The following MYOCD variants were observed in gnomAD, a reference collection of about 807,000 sequenced individuals.
The protein encoded by MYOCD is myocardin.
In MYOCD, 32 loss-of-function variants were observed where a neutral mutation model predicts 96.1. That is an observed-to-expected ratio of 0.33 (90% CI 0.25 to 0.45). The LOEUF is 0.45. Ranked by LOEUF, MYOCD falls within the 20% of genes least tolerant of loss-of-function variation. The pLI is 1.00. For missense variants in MYOCD, 1,133 were observed against 1,200.6 expected, an observed-to-expected ratio of 0.94 and a Z score of 0.83; for synonymous variants, 469 against 469.0, an observed-to-expected ratio of 1.00 and a Z score of 0.00.
intron 10 of MYOCD, among the ~76,000 whole-genome samples, chr17:12,754,940 A>G (rs2150722517): frequency 6.6e-6 from 1 of 152,356 alleles, no homozygotes; most frequent in Non-Finnish European, 1.5e-5. Flanking sequence ...GTTACCCAGG[A>G]TCACATGAAC....
intron 1 of MYOCD, 52 bp downstream of exon 1, chr17:12,666,295 C>T (rs538050012): frequency 7.5e-5 from 99 of 1,311,394 alleles, no homozygotes; most frequent in Admixed American, 1.7e-4. Flanking sequence ...TTCTGCAATT[C>T]TCAACTCTAG....
At chr17:12,676,523 A>G (rs1018345690) in intron 1 of MYOCD, among the ~76,000 whole-genome samples, 2 of 151,928 alleles carry the variant, frequency 1.3e-5, no homozygotes, top group Admixed American at 6.5e-5. Flanking sequence ...ATTATCCAGT[A>G]TCTCCTATAC....
chr17:12,741,581 T>G (rs2032510309), intron 7 of MYOCD, among the ~76,000 whole-genome samples: 3 of 151,916 alleles, frequency 2.0e-5, no homozygotes, highest in African/African-American at 7.3e-5. Flanking sequence ...TGGTGGCGTG[T>G]GCCTGTAATC....
intron 1 of MYOCD, among the ~76,000 whole-genome samples, chr17:12,684,786 C>T (rs926236076): frequency 1.4e-5 from 2 of 143,336 alleles, no homozygotes; most frequent in Admixed American, 7.2e-5. Flanking sequence ...GTGGGGGTTG[C>T]GGTGAGCTGA....
chr17:12,739,360 G>C (rs1317377850), intron 7 of MYOCD, 32 bp downstream of exon 7: 7 of 1,506,138 alleles, frequency 4.6e-6, no homozygotes, highest in Non-Finnish European at 4.4e-6. Flanking sequence ...AGCCCTGCCT[G>C]AGCGCTCGGC....
At chr17:12,733,615 C>T (rs994733781) in intron 5 of MYOCD, among the ~76,000 whole-genome samples, 1 of 152,120 alleles carries the variant, frequency 6.6e-6, no homozygotes, top group Admixed American at 6.5e-5. Flanking sequence ...CGCCTGTAAT[C>T]CCAGCACTTT....
At chr17:12,760,493 GA>G (rs1243453352) in intron 12 of MYOCD, 156 bp from the exon 13 acceptor site, 6 of 632,600 alleles carry the variant, frequency 9.5e-6, no homozygotes, top group Non-Finnish European at 1.7e-5. Flanking sequence ...AAAAATGGTT[GA>G]TAGTAAATTT....
At chr17:12,714,160 G>A (rs1026749796) in intron 2 of MYOCD, among the ~76,000 whole-genome samples, 2 of 151,890 alleles carry the variant, frequency 1.3e-5, no homozygotes, top group African/African-American at 2.4e-5. Flanking sequence ...TATAGAGAGC[G>A]TGACCTGTTA....
intron 1 of MYOCD, among the ~76,000 whole-genome samples, chr17:12,691,602 C>T (rs1035749520): frequency 5.9e-5 from 9 of 152,128 alleles, no homozygotes; most frequent in Non-Finnish European, 8.8e-5. Context: ...TAGCATGAAA[C>T]GTGCCTCATG....
At chr17:12,697,354 TA>T (rs1251617805) in intron 1 of MYOCD, among the ~76,000 whole-genome samples, 12 of 85,054 alleles carry the variant, frequency 1.4e-4, no homozygotes, top group African/African-American at 7.0e-4. Flanking sequence ...TATATATATA[TA>T]TATATTTTTT....
At chr17:12,745,366 C>T (rs560243318) in intron 8 of MYOCD, among the ~76,000 whole-genome samples, 7 of 152,108 alleles carry the variant, frequency 4.6e-5, no homozygotes, top group South Asian at 2.1e-4. Flanking sequence ...TGCGCCACCA[C>T]GCCCGGCTAA....
chr17:12,711,924 CTTTTT>C (rs11388469), intron 2 of MYOCD, among the ~76,000 whole-genome samples: 1 of 134,828 alleles, frequency 7.4e-6, no homozygotes. Context: ...TTTCTTTTTT[CTTTTT>C]TTTTTTTTTT....
rs776680788 is a variant in MYOCD at position 12,744,273 on chromosome 17, C to G, written c.808C>G (p.Pro270Ala). The G allele has an allele frequency of 2.4e-5, 38 of 1,614,066 alleles. No individual in the cohort carries two copies. The highest frequency in any genetic ancestry group is 3.1e-5 in the Non-Finnish European group (36 of 1,180,046). ...GAAGCTTAAATATCACCAGTACATT[C>G]CCCCAGACCAGAAGGCAGAGAAGTC... ...VKKLKYHQYI[P>A]PDQKAEKSPP... The change falls in exon 8 of 14, where the codon CCC becomes GCC. Residue 270 changes from proline to alanine, a missense_variant. Pro to Ala is a conservative substitution (Grantham distance 27, BLOSUM62 -1). Coordinates refer to ENST00000425538, the MANE Select transcript of MYOCD (RefSeq NM_001146312.3).
At chr17:12,666,756 GA>G (rs969557871) in intron 1 of MYOCD, among the ~76,000 whole-genome samples, 2 of 150,676 alleles carry the variant, frequency 1.3e-5, no homozygotes, top group African/African-American at 4.9e-5. Context: ...CATCACTGTA[GA>G]AAAAAAAAGA....
At chr17:12,713,166 A>G (rs928669051) in intron 2 of MYOCD, among the ~76,000 whole-genome samples, 1 of 152,162 alleles carries the variant, frequency 6.6e-6, no homozygotes, top group Non-Finnish European at 1.5e-5. Context: ...CTAAATGGAG[A>G]TAGTTTCTTC....
chr17:12,743,546 G>A (rs2032575141), intron 7 of MYOCD, among the ~76,000 whole-genome samples: 1 of 138,332 alleles, frequency 7.2e-6, no homozygotes, highest in Admixed American at 7.9e-5. Flanking sequence ...AGGCTGGAGT[G>A]CAATGGCGTG....
At chr17:12,682,062 A>T (rs192437550) in intron 1 of MYOCD, among the ~76,000 whole-genome samples, 8 of 152,306 alleles carry the variant, frequency 5.3e-5, no homozygotes, top group Middle Eastern at 3.4e-3. Context: ...GGCCAGGATT[A>T]GGGCAAGACC....
chr17:12,753,563 G>A (rs559678181), intron 10 of MYOCD, among the ~76,000 whole-genome samples: 83 of 152,304 alleles, frequency 5.4e-4, no homozygotes, highest in African/African-American at 1.9e-3. Flanking sequence ...TGTAAAGGGC[G>A]AGATGGTAAA....
At chr17:12,710,402 T>C (rs1460140665) in intron 2 of MYOCD, 1 of 575,140 alleles carries the variant, frequency 1.7e-6, no homozygotes, top group Non-Finnish European at 2.2e-6. Context: ...ATGAAATGTC[T>C]GGGCAGCTTG....
Sources: allele counts gnomAD v4.1 joint callset (sites outside exome capture counted in the v4.1 genomes callset), GRCh38; gene constraint gnomAD v4.1.1; transcripts MANE v1.5; gene names NCBI Gene and HGNC (gene_info 2026-07-23, HGNC 2026-07-21).